PFKP: variants seen among roughly 807,000 people sequenced by gnomAD.
PFKP encodes the protein phosphofructokinase, platelet.
A neutral mutation model predicts 94.3 loss-of-function variants in PFKP; 101 were observed. The observed-to-expected ratio is 1.07, with a 90% CI of 0.91 to 1.26. The LOEUF is 1.26. Among genes scored for constraint, PFKP ranks in the 50% most tolerant of loss-of-function variants. PFKP has a pLI of 0.00. For synonymous variants in PFKP, 573 were observed against 432.6 expected (o/e 1.32, Z -4.03); for missense variants, 1,145 against 1,103.3 (o/e 1.04, Z -0.53).
chr10:3,113,590 G>A, intron 13 of PFKP, 72 bp downstream of exon 13: 6 of 1,410,578 alleles, frequency 4.3e-6, no homozygotes, highest in Non-Finnish European at 4.8e-6. Context: ...CGGCGGGGGG[G>A]TGCCCTCCAT....
At chr10:3,100,652 A>T (rs1304159948) in intron 3 of PFKP, among the ~76,000 whole-genome samples, 1 of 152,100 alleles carries the variant, frequency 6.6e-6, no homozygotes, top group Non-Finnish European at 1.5e-5. Context: ...CAAAGTCAGC[A>T]CGCGCTTAGG....
intron 17 of PFKP, among the ~76,000 whole-genome samples, chr10:3,130,752 T>G (rs1838480510): frequency 6.6e-6 from 1 of 152,032 alleles, no homozygotes; most frequent in African/African-American, 2.4e-5. Flanking sequence ...AGAGATGAGG[T>G]TTCACCATGT....
intron 10 of PFKP, among the ~76,000 whole-genome samples, chr10:3,111,813 T>A (rs1325777662): frequency 6.6e-6 from 1 of 152,134 alleles, no homozygotes; most frequent in Non-Finnish European, 1.5e-5. Context: ...CATCCCCCAG[T>A]GAGCTGGTGT....
chr10:3,110,273 A>G (rs1257552740), intron 10 of PFKP, among the ~76,000 whole-genome samples: 3 of 151,270 alleles, frequency 2.0e-5, no homozygotes, highest in Admixed American at 6.6e-5. Flanking sequence ...ATCTTGGCTC[A>G]CTGCAAGCTC....
intron 3 of PFKP, 55 bp from the exon 4 acceptor site, chr10:3,101,310 C>T (rs1564298265): frequency 2.1e-6 from 3 of 1,425,324 alleles, no homozygotes; most frequent in Middle Eastern, 2.1e-4. Context: ...TGTGTGCCAT[C>T]CACCTGGCGC....
Position 3,132,819 on chromosome 10 carries a change from C to G in PFKP, c.1910+378C>G, listed in dbSNP as rs558507214. Among the ~76,000 whole-genome samples, 28 of 152,272 alleles carry G rather than the reference C, an allele frequency of 1.8e-4. No homozygotes were observed. The East Asian group carries it at 4.4e-3, about 24-fold the overall frequency. On this transcript the variant is annotated intron_variant, in intron 18 of 21. Transcript: ENST00000381125. ...CCTGTATACACGAGGTTGCTTCCAT[C>G]TGATAACCAAGGTGGCTACTGAGTG...
chr10:3,105,004 G>A, intron 5 of PFKP, 111 bp from the exon 6 acceptor site: 4 of 1,049,278 alleles, frequency 3.8e-6, no homozygotes, highest in East Asian at 4.9e-5. Flanking sequence ...TAACTCGGCT[G>A]TCAAAGCCCC....
At chr10:3,116,867 CTA>C (rs752725951) in intron 14 of PFKP, 21 bp downstream of exon 14, 4 of 1,537,048 alleles carry the variant, frequency 2.6e-6, no homozygotes, top group Admixed American at 1.7e-5. Context: ...AATCTCAACT[CTA>C]TGACCTGCTT....
chr10:3,069,720 A>G (rs950609341), intron 1 of PFKP, among the ~76,000 whole-genome samples: 10 of 138,718 alleles, frequency 7.2e-5, no homozygotes, highest in African/African-American at 2.5e-4. Context: ...CTGTGTCTAC[A>G]AAAAAAAAGA....
rs1834753749 is a variant in PFKP at position 3,099,217 on chromosome 10, C to T, written c.187-58C>T. 3 of 1,270,436 alleles carry T rather than the reference C, an allele frequency of 2.4e-6. No homozygotes were observed. In the Admixed American group the frequency reaches 5.1e-5, roughly 21 times the overall value. 78.7% of individuals were successfully genotyped at this position (1,270,436 alleles called of 1,614,324 possible). A position where few individuals can be genotyped will look rare whatever the true frequency, so the allele number is the denominator to read the frequency against. ...TTCCCGTTTTATATAATTTAAGGAT[C>T]ACTTCCCATTTAGTGAAGTTTATCT... On this transcript the variant is annotated intron_variant, in intron 2 of 21. Coordinates refer to ENST00000381125, the MANE Select transcript of PFKP (RefSeq NM_002627.5).
At chr10:3,100,574 G>T in intron 3 of PFKP, among the ~76,000 whole-genome samples, 1 of 152,278 alleles carries the variant, frequency 6.6e-6, no homozygotes, top group East Asian at 1.9e-4. Context: ...CCTGCAGACC[G>T]AAGGCAGGGA....
At chr10:3,101,049 G>A in intron 3 of PFKP, 1 of 1,461,504 alleles carries the variant, frequency 6.8e-7, no homozygotes. Context: ...GAGCTCGTTG[G>A]CCGGTGCTGA....
intron 4 of PFKP, among the ~76,000 whole-genome samples, chr10:3,103,324 T>C (rs1315355865): frequency 6.6e-6 from 1 of 152,202 alleles, no homozygotes; most frequent in Non-Finnish European, 1.5e-5. Context: ...TCCTTAACTA[T>C]GCAGAATCCG....
chr10:3,136,323 A>G (rs1839331652), intron 21 of PFKP, 127 bp from the exon 22 acceptor site: 1 of 850,250 alleles, frequency 1.2e-6, no homozygotes. Context: ...TGGCTTTATC[A>G]TCTAGTTGAT....
chr10:3,067,944 A>T (rs1323082726), intron 1 of PFKP, among the ~76,000 whole-genome samples: 3 of 152,060 alleles, frequency 2.0e-5, no homozygotes, highest in Admixed American at 2.0e-4. Flanking sequence ...TGAGCCGGCG[A>T]GGCAGCCCCG....
rs576921815 is a variant in PFKP, at chr10:3,094,528, C to T, written c.187-4747C>T. Reference sequence around the variant, plus strand: ...GATTGGTAGGGTCTCTGGACAAGAGCGTTCCTTCAGAGTGTTGGTGGGGAG... The same window carrying T: ...GATTGGTAGGGTCTCTGGACAAGAGTGTTCCTTCAGAGTGTTGGTGGGGAG... On this transcript the variant is annotated intron_variant, in intron 2 of 21. Transcript: ENST00000381125. Among the ~76,000 whole-genome samples, 36 of 152,264 alleles carry T rather than the reference C, an allele frequency of 2.4e-4. 1 individual carries two copies. In the South Asian group the frequency reaches 7.0e-3, roughly 30 times the overall value.
chr10:3,123,932 T>C (rs1837669004), intron 16 of PFKP, among the ~76,000 whole-genome samples: 2 of 152,156 alleles, frequency 1.3e-5, no homozygotes, highest in South Asian at 4.1e-4. Flanking sequence ...GGGACCCTGC[T>C]CACAGCTCAC....
chr10:3,101,618 C>T (rs1026885865), intron 4 of PFKP, 64 bp downstream of exon 4: 3 of 1,196,668 alleles, frequency 2.5e-6, no homozygotes, highest in East Asian at 2.7e-5. Context: ...TTGGAACCGA[C>T]AGGTTTCCCT....
chr10:3,093,974 C>T (rs1834283914), intron 2 of PFKP, among the ~76,000 whole-genome samples: 1 of 152,200 alleles, frequency 6.6e-6, no homozygotes, highest in Non-Finnish European at 1.5e-5. Flanking sequence ...GTTTATATGC[C>T]AGCCAGGTCC....
Sources: allele counts gnomAD v4.1 joint callset (sites outside exome capture counted in the v4.1 genomes callset), GRCh38; gene constraint gnomAD v4.1.1; transcripts MANE v1.5; gene names NCBI Gene and HGNC (gene_info 2026-07-23, HGNC 2026-07-21).